The following TRAPPC3L variants were observed in gnomAD, a reference collection of about 807,000 sequenced individuals.
TRAPPC3L encodes trafficking protein particle complex subunit 3L, also known as trafficking protein particle complex subunit 3-like protein.
In TRAPPC3L, 23 loss-of-function variants were observed where a neutral mutation model predicts 23.7. The observed-to-expected ratio is 0.97, with a 90% confidence interval of 0.70 to 1.37. The LOEUF is 1.37. Among genes scored for constraint, TRAPPC3L ranks in the 40% most tolerant of loss-of-function variants. The pLI is 0.00. For synonymous variants in TRAPPC3L, 81 were observed against 77.9 expected, an observed-to-expected ratio of 1.04 and a Z score of -0.21; for missense variants, 212 against 216.8, an observed-to-expected ratio of 0.98 and a Z score of 0.14.
chr6:116,536,027 A>G (rs1773062668), intron 3 of TRAPPC3L, among the ~76,000 whole-genome samples: 1 of 152,218 alleles, frequency 6.6e-6, no homozygotes, highest in East Asian at 1.9e-4. Context: ...TTATAAAGAA[A>G]ATATCAATGC....
At chr6:116,510,647 T>C (rs2637661) in intron 3 of TRAPPC3L, among the ~76,000 whole-genome samples, 65,824 of 151,540 alleles carry the variant, frequency 0.43, 15,169 homozygotes, top group Middle Eastern at 0.59. Flanking sequence ...AGTCCAGCAA[T>C]CCCACTACTG....
chr6:116,534,612 A>G (rs1465427369), intron 3 of TRAPPC3L, among the ~76,000 whole-genome samples: 2 of 152,152 alleles, frequency 1.3e-5, no homozygotes, highest in Non-Finnish European at 2.9e-5. Flanking sequence ...TATGTGCCTA[A>G]ATCTTTTGTC....
At chr6:116,534,967 T>C (rs905805161) in intron 3 of TRAPPC3L, among the ~76,000 whole-genome samples, 10 of 152,256 alleles carry the variant, frequency 6.6e-5, no homozygotes, top group African/African-American at 2.4e-4. Context: ...AAATGATAAA[T>C]TCCCCCACGT....
chr6:116,542,995 T>C (rs991723378), intron 2 of TRAPPC3L, among the ~76,000 whole-genome samples: 1 of 152,134 alleles, frequency 6.6e-6, no homozygotes, highest in Non-Finnish European at 1.5e-5. Flanking sequence ...CTCATGTTGT[T>C]AATAGAATAA....
chr6:116,528,991 G>C (rs1772536324), intron 3 of TRAPPC3L: 1 of 152,224 alleles, frequency 6.6e-6, no homozygotes, highest in Admixed American at 6.5e-5. Flanking sequence ...TTAGAAAAAT[G>C]TTGAGAATGA....
chr6:116,522,517 T>A (rs1469110600), intron 3 of TRAPPC3L: 2 of 152,204 alleles, frequency 1.3e-5, no homozygotes, highest in African/African-American at 2.4e-5. Context: ...TAGGTTCCAG[T>A]TAGCAGTATA....
chr6:116,515,773 C>T (rs753580476), intron 3 of TRAPPC3L: 36 of 1,613,864 alleles, frequency 2.2e-5, no homozygotes, highest in African/African-American at 2.7e-5. Flanking sequence ...ACAAGCTGAG[C>T]GAGAGGAACC....
At chr6:116,545,273 T>A (rs1266324973) in intron 1 of TRAPPC3L, among the ~76,000 whole-genome samples, 200 bp downstream of exon 1, 2 of 152,034 alleles carry the variant, frequency 1.3e-5, no homozygotes, top group African/African-American at 2.4e-5. Flanking sequence ...GACCTTAAAG[T>A]GTGTATAAAG....
chr6:116,535,508 C>T (rs1032816671), intron 3 of TRAPPC3L, among the ~76,000 whole-genome samples: 6 of 152,240 alleles, frequency 3.9e-5, no homozygotes, highest in African/African-American at 7.2e-5. Flanking sequence ...CTCCTAATAA[C>T]GAAACTATTT....
chr6:116,533,596 C>T (rs1483048916), intron 3 of TRAPPC3L, among the ~76,000 whole-genome samples: 2 of 152,208 alleles, frequency 1.3e-5, no homozygotes, highest in Non-Finnish European at 2.9e-5. Flanking sequence ...ATCAGGTTGG[C>T]TCGGCTCATG....
Position 116,496,928 on chromosome 6 carries a change from C to A in TRAPPC3L, c.*26G>T. The A allele has an allele frequency of 6.5e-7, 1 of 1,534,424 alleles. No individual in the cohort carries two copies. The highest frequency in any genetic ancestry group is 8.8e-7 in the Non-Finnish European group (1 of 1,142,572). ...TAGCTAACATTAACTCAGCTAGCCGCCCCGTGGCATTTTCCGTGCTAGTCT... is the reference window on the plus strand; with the variant it reads ...TAGCTAACATTAACTCAGCTAGCCGACCCGTGGCATTTTCCGTGCTAGTCT... On this transcript the variant is annotated 3_prime_UTR_variant, in exon 5 of 5. Coordinates refer to ENST00000368602, the MANE Select transcript of TRAPPC3L (RefSeq NM_001139444.3).
At chr6:116,514,159 G>A (rs1257569234) in intron 3 of TRAPPC3L, among the ~76,000 whole-genome samples, 1 of 152,058 alleles carries the variant, frequency 6.6e-6, no homozygotes, top group African/African-American at 2.4e-5. Flanking sequence ...TCTGGGTACT[G>A]TGAATTGAGG....
In TRAPPC3L at chr6:116,497,003, A is replaced by C. The variant is rs1048991751; in HGVS notation, c.497T>G (p.Ile166Arg). The change falls in exon 5 of 5, where the codon ATA (isoleucine) becomes AGA (arginine). Residue 166 changes from isoleucine (I) to arginine (R), a missense_variant. Ile to Arg is a moderately conservative substitution (Grantham distance 97). Transcript: ENST00000368602. ...LKGDSVTEIGITFLKKRDEKK... is the reference protein window; with the variant it reads ...LKGDSVTEIGRTFLKKRDEKK... Reference sequence around the variant, plus strand: ...CTCGTCTCGCTTTTTTAGAAATGTTATTCCTATTTCTGTCACACTGTCACC... The same window carrying C: ...CTCGTCTCGCTTTTTTAGAAATGTTCTTCCTATTTCTGTCACACTGTCACC... 76 of 1,546,180 alleles carry C rather than the reference A, an allele frequency of 4.9e-5. No homozygotes were observed. The highest frequency in any genetic ancestry group is 6.5e-5 in the Non-Finnish European group (75 of 1,145,712).
intron 3 of TRAPPC3L, among the ~76,000 whole-genome samples, chr6:116,539,291 T>C (rs1773287341): frequency 6.6e-6 from 1 of 152,218 alleles, no homozygotes; most frequent in Admixed American, 6.5e-5. Context: ...GGGACTTTTT[T>C]CCCCAGCCTG....
At chr6:116,507,467 T>G (rs1025122725) in intron 3 of TRAPPC3L, among the ~76,000 whole-genome samples, 4 of 152,230 alleles carry the variant, frequency 2.6e-5, no homozygotes, top group African/African-American at 9.6e-5. Context: ...ATTGTGCTTC[T>G]GAGCAGTGTG....
In TRAPPC3L at chr6:116,496,641, T is replaced by C. The variant is rs1431289855; in HGVS notation, c.*313A>G. The stretch of plus-strand genomic sequence containing the variant: ...TGTTTGTATTTGTGCTGCTTTTTTT[T>C]CCCATTACCATACGTGAATGGAATG... On this transcript the variant is annotated 3_prime_UTR_variant, in exon 5 of 5. Transcript: ENST00000368602. The C allele has an allele frequency of 1.3e-5, 3 of 228,806 alleles. No homozygotes were observed. Among genetic ancestry groups the C allele is most frequent in the Admixed American group, 5.8e-5 (1 of 17,106 alleles). The allele number at this position is 228,806 out of a possible 1,614,324, so 14.2% of individuals were successfully genotyped here. A position where few individuals can be genotyped will look rare whatever the true frequency, so the allele number is the denominator to read the frequency against.
At chr6:116,542,646 C>A (rs550188665) in intron 2 of TRAPPC3L, among the ~76,000 whole-genome samples, 1 of 152,132 alleles carries the variant, frequency 6.6e-6, no homozygotes, top group East Asian at 1.9e-4. Context: ...CAGAGAAAAT[C>A]AAAAGGTGGA....
chr6:116,499,112 C>T (rs1771874364), intron 4 of TRAPPC3L, among the ~76,000 whole-genome samples: 1 of 152,230 alleles, frequency 6.6e-6, no homozygotes, highest in Non-Finnish European at 1.5e-5. Flanking sequence ...AGATGTACTC[C>T]TCTTGGTTTT....
chr6:116,500,179 G>A (rs991109332), intron 4 of TRAPPC3L, among the ~76,000 whole-genome samples: 4 of 152,186 alleles, frequency 2.6e-5, no homozygotes, highest in African/African-American at 9.7e-5. Context: ...AGATTCTCCA[G>A]CCTCAGTCAA....
Sources: gnomAD v4.1 joint callset for allele counts (sites outside exome capture counted in the v4.1 genomes callset) on GRCh38, gnomAD v4.1.1 for gene constraint, MANE v1.5 for transcripts, NCBI Gene and HGNC (gene_info 2026-07-23, HGNC 2026-07-21) for gene names.